ITGA4: variants seen among roughly 807,000 people sequenced by gnomAD.
The protein encoded by ITGA4 is integrin alpha-4.
A neutral mutation model predicts 133.6 loss-of-function variants in ITGA4; 63 were observed. The ratio of observed to expected loss-of-function variants is 0.47; its 90% confidence interval spans 0.38 to 0.58. ITGA4 has a LOEUF of 0.58. ITGA4 is among the 20% of genes least tolerant of loss of function. The pLI, the probability that ITGA4 is intolerant of heterozygous loss-of-function variation, is 0.00. For missense variants in ITGA4, 1,076 were observed against 1,252.7 expected, an observed-to-expected ratio of 0.86 and a Z score of 2.13; for synonymous variants, 483 against 438.0, an observed-to-expected ratio of 1.10 and a Z score of -1.28.
chr2:181,475,410 CT>C (rs1270692901), intron 4 of ITGA4, 122 bp downstream of exon 4: 7 of 748,668 alleles, frequency 9.3e-6, no homozygotes, highest in African/African-American at 3.5e-5. Context: ...TAATTATGTT[CT>C]TTTTAACTAC....
chr2:181,508,961 T>C (rs1686447154), intron 15 of ITGA4, among the ~76,000 whole-genome samples: 2 of 150,736 alleles, frequency 1.3e-5, no homozygotes, highest in African/African-American at 4.9e-5. Context: ...TGGGAAACAT[T>C]GAAAGACCCT....
intron 16 of ITGA4, among the ~76,000 whole-genome samples, chr2:181,510,993 A>C (rs1389200414): frequency 6.6e-6 from 1 of 151,964 alleles, no homozygotes; most frequent in African/African-American, 2.4e-5. Context: ...ACAGTACTCT[A>C]GTCACTTCAC....
rs562194981 is a variant in ITGA4, at chr2:181,483,179, G to A, written c.1041+528G>A. On this transcript the variant is annotated intron_variant, in intron 9 of 27. Coordinates refer to ENST00000397033, the MANE Select transcript of ITGA4 (RefSeq NM_000885.6). Reference sequence around the variant, plus strand: ...TTGATAAGAATATAAAATTGGCAAGGTTTATTCCACAGTGGATATATTAGT... The same window carrying A: ...TTGATAAGAATATAAAATTGGCAAGATTTATTCCACAGTGGATATATTAGT... Among the ~76,000 whole-genome samples the A allele has an allele frequency of 3.8e-4, 58 of 152,182 alleles. 1 individual carries two copies. Among genetic ancestry groups the A allele is most frequent in the African/African-American group, 1.3e-3 (54 of 41,522 alleles).
At chr2:181,470,325 T>G (rs1210306391) in intron 2 of ITGA4, among the ~76,000 whole-genome samples, 1 of 152,126 alleles carries the variant, frequency 6.6e-6, no homozygotes, top group African/African-American at 2.4e-5. Flanking sequence ...ATCATTAGTG[T>G]CAGTGTACTT....
chr2:181,499,038 T>G, intron 15 of ITGA4: 1 of 240,084 alleles, frequency 4.2e-6, no homozygotes, highest in Non-Finnish European at 6.7e-6. Flanking sequence ...TTTCTAAAAT[T>G]TCATTTCTCC....
chr2:181,463,401 G>A (rs1559035816), intron 2 of ITGA4, among the ~76,000 whole-genome samples: 1 of 152,110 alleles, frequency 6.6e-6, no homozygotes. Context: ...CAAGACTGAA[G>A]GCAATGAGGC....
At position 181,523,187 on chromosome 2, in the gene ITGA4, TACACATATATATACAC is replaced by T; in HGVS notation, c.2074-238_2074-223del. ...ATGTATATACACACACACATACACATACACATATATATACACACACATATATACACACATATATACA... is the reference window on the plus strand; with the variant it reads ...ATGTATATACACACACACATACACATACACATATATACACACATATATACA... On this transcript the variant is annotated intron_variant, in intron 18 of 27. Transcript: ENST00000397033. This position sits in a 1 kb window ranked among gnomAD's most constrained non-coding sequence, Gnocchi z 4.2. The T allele has an allele frequency of 3.6e-6, 1 of 276,812 alleles. No homozygotes were observed. Among genetic ancestry groups the T allele is most frequent in the Non-Finnish European group, 7.1e-6 (1 of 141,464 alleles). The allele number at this position is 276,812 out of a possible 1,614,324, so 17.1% of individuals were successfully genotyped here.
intron 2 of ITGA4, among the ~76,000 whole-genome samples, chr2:181,464,054 A>G (rs1685353499): frequency 6.6e-6 from 1 of 152,064 alleles, no homozygotes; most frequent in South Asian, 2.1e-4. Flanking sequence ...TCCAGTATTC[A>G]TCCATGCTTG....
At position 181,529,529 on chromosome 2, in the gene ITGA4, CCTT is replaced by C. The variant is rs1559057708; in HGVS notation, c.2431-8_2431-6del. The C allele has an allele frequency of 5.7e-6, 8 of 1,411,166 alleles. No homozygotes were observed. The highest frequency in any genetic ancestry group is 1.2e-5 in the South Asian group (1 of 83,530). 87.4% of individuals were successfully genotyped at this position (1,411,166 alleles called of 1,614,324 possible). A position where few individuals can be genotyped will look rare whatever the true frequency, so the allele number is the denominator to read the frequency against. On this transcript the variant is annotated splice_polypyrimidine_tract_variant and intron_variant, in intron 22 of 27. Transcript: ENST00000397033. The stretch of plus-strand genomic sequence containing the variant: ...ACATTTAATTTGTTAAAAAATTTTT[CCTT>C]CTTATCAGGTTATCAACACTGGCAA...
chr2:181,475,762 G>T, intron 4 of ITGA4: 1 of 1,550,798 alleles, frequency 6.4e-7, no homozygotes, highest in South Asian at 1.2e-5. Flanking sequence ...CCTTCAAGCA[G>T]CAAGAGATTC....
At chr2:181,498,029 C>T (rs2105747092) in intron 14 of ITGA4, among the ~76,000 whole-genome samples, 1 of 151,832 alleles carries the variant, frequency 6.6e-6, no homozygotes, top group Non-Finnish European at 1.5e-5. Flanking sequence ...AACTAGAAAC[C>T]AATAACACAC....
chr2:181,457,380 C>T, upstream of ITGA4: 1 of 402,314 alleles, frequency 2.5e-6, no homozygotes, highest in East Asian at 5.5e-5. Context: ...GCGGCCCGTA[C>T]CCGGAGAAGC....
chr2:181,493,568 T>C, intron 11 of ITGA4, 149 bp downstream of exon 11: 1 of 521,748 alleles, frequency 1.9e-6, no homozygotes, highest in Non-Finnish European at 3.4e-6. Flanking sequence ...GCAAATGATC[T>C]TATTTTAAGG....
At chr2:181,529,080 A>G (rs534656063) in intron 22 of ITGA4, among the ~76,000 whole-genome samples, 26 of 152,196 alleles carry the variant, frequency 1.7e-4, no homozygotes, top group Non-Finnish European at 3.5e-4. Context: ...TTAGAATTAC[A>G]ATACCTGAGT....
At chr2:181,482,741 A>G (rs971252873) in intron 9 of ITGA4, 90 bp downstream of exon 9, 2 of 1,275,722 alleles carry the variant, frequency 1.6e-6, no homozygotes, top group South Asian at 1.3e-5. Context: ...GATTGTTTTC[A>G]GGTTTCTTTT....
At chr2:181,527,177 A>G in intron 21 of ITGA4, 120 bp from the exon 22 acceptor site, 1 of 596,536 alleles carries the variant, frequency 1.7e-6, no homozygotes, top group Non-Finnish European at 2.9e-6. Context: ...ATCTGACCAC[A>G]AAACCAAAAG....
chr2:181,524,304 G>A lies in ITGA4; in HGVS notation c.2249+54G>A, dbSNP rs185339832. ...AGAAATATACCCCCATATTCTGAGGGGGGGGAATTAGGAGAACCGTAAAAC... is the reference window on the plus strand; with the variant it reads ...AGAAATATACCCCCATATTCTGAGGAGGGGGAATTAGGAGAACCGTAAAAC... On this transcript the variant is annotated intron_variant, in intron 20 of 27. Transcript: ENST00000397033. 3.0e-6 allele frequency: 3 copies of A among 1,002,198 alleles called. No homozygotes were observed. In the African/African-American group the frequency reaches 5.5e-5, roughly 18 times the overall value. The allele number at this position is 1,002,198 out of a possible 1,614,324, so 62.1% of individuals were successfully genotyped here.
At chr2:181,512,876 A>G (rs1255239615) in intron 17 of ITGA4, among the ~76,000 whole-genome samples, 3 of 152,088 alleles carry the variant, frequency 2.0e-5, no homozygotes, top group Non-Finnish European at 4.4e-5. Context: ...TTATGTATTT[A>G]TCAAATGTTG....
chr2:181,529,991 T>C (rs558929163), intron 23 of ITGA4, among the ~76,000 whole-genome samples: 1 of 152,324 alleles, frequency 6.6e-6, no homozygotes, highest in Non-Finnish European at 1.5e-5. Context: ...AACTTGAAAC[T>C]ACTGTGCAAA....
Sources: gnomAD v4.1 joint callset for allele counts (sites outside exome capture counted in the v4.1 genomes callset) on GRCh38, gnomAD v4.1.1 for gene constraint, Gnocchi (gnomAD v3.1) non-coding constraint, MANE v1.5 for transcripts, NCBI Gene and HGNC (gene_info 2026-07-23, HGNC 2026-07-21) for gene names.